The following TNFRSF10B variants were observed in gnomAD, a reference collection of about 807,000 sequenced individuals.
TNFRSF10B encodes tumor necrosis factor receptor superfamily member 10B.
TNFRSF10B carries 35 observed loss-of-function variants against 41.4 expected under a neutral mutation model. The ratio of observed to expected loss-of-function variants is 0.85; its 90% confidence interval spans 0.65 to 1.12. The LOEUF (loss-of-function observed/expected upper bound fraction) is 1.12, where lower values mean the gene tolerates loss of function less well. Among genes scored for constraint, TNFRSF10B ranks in the 50% most tolerant of loss-of-function variants. The pLI is 0.00. For synonymous variants in TNFRSF10B, 230 were observed against 215.5 expected (o/e 1.07, Z -0.59); for missense variants, 584 against 552.7 (o/e 1.06, Z -0.57).
chr8:23,044,433 A>C (rs1000569054), intron 1 of TNFRSF10B, among the ~76,000 whole-genome samples: 1 of 152,214 alleles, frequency 6.6e-6, no homozygotes, highest in African/African-American at 2.4e-5. Context: ...TAAAAGGTTA[A>C]TATCTAAAAT....
intron 1 of TNFRSF10B, among the ~76,000 whole-genome samples, chr8:23,044,964 C>T (rs1812312106): frequency 1.3e-5 from 2 of 150,636 alleles, no homozygotes; most frequent in South Asian, 4.2e-4. Context: ...GCCTATAATC[C>T]CAGCATTTTG....
At chr8:23,042,417 G>A (rs1292001310) in intron 2 of TNFRSF10B, among the ~76,000 whole-genome samples, 1 of 152,216 alleles carries the variant, frequency 6.6e-6, no homozygotes, top group Admixed American at 6.5e-5. Flanking sequence ...TGGGGGAAAA[G>A]GGGGAAGAAG....
intron 4 of TNFRSF10B, among the ~76,000 whole-genome samples, chr8:23,029,242 T>TA (rs1191849129): frequency 6.6e-6 from 1 of 152,218 alleles, no homozygotes; most frequent in Non-Finnish European, 1.5e-5. Context: ...ATAAAAATAT[T>TA]AAAAAATACA....
At chr8:23,063,918 TCA>T (rs1812908206) in intron 1 of TNFRSF10B, among the ~76,000 whole-genome samples, 1 of 152,192 alleles carries the variant, frequency 6.6e-6, no homozygotes, top group Admixed American at 6.5e-5. Flanking sequence ...TCCCCACCTC[TCA>T]CGTTTAACAC....
intron 2 of TNFRSF10B, among the ~76,000 whole-genome samples, chr8:23,040,135 C>T (rs530198665): frequency 9.9e-5 from 15 of 150,922 alleles, no homozygotes; most frequent in South Asian, 6.3e-4. Context: ...GAGCTGAGAT[C>T]GCACCACTGC....
chr8:23,045,165 A>G (rs928948246), intron 1 of TNFRSF10B, among the ~76,000 whole-genome samples: 1 of 151,828 alleles, frequency 6.6e-6, no homozygotes, highest in East Asian at 1.9e-4. Flanking sequence ...GGGAGGTGAA[A>G]GTGGCAGTAA....
intron 1 of TNFRSF10B, among the ~76,000 whole-genome samples, chr8:23,047,327 A>G (rs1431919878): frequency 6.7e-6 from 1 of 149,456 alleles, no homozygotes; most frequent in Non-Finnish European, 1.5e-5. Flanking sequence ...ATTACACTCC[A>G]GCCTAGGCAA....
At chr8:23,050,197 C>CT (rs1272993526) in intron 1 of TNFRSF10B, among the ~76,000 whole-genome samples, 3 of 152,256 alleles carry the variant, frequency 2.0e-5, no homozygotes, top group Non-Finnish European at 4.4e-5. Flanking sequence ...CATACACCCA[C>CT]TTTCCCTTTG....
chr8:23,057,484 G>A (rs1812707093), intron 1 of TNFRSF10B, among the ~76,000 whole-genome samples: 1 of 146,050 alleles, frequency 6.8e-6, no homozygotes, highest in African/African-American at 2.6e-5. Context: ...CCAGGCTAGA[G>A]TGCTGTGGCA....
intron 1 of TNFRSF10B, among the ~76,000 whole-genome samples, chr8:23,062,395 A>AT (rs1336511896): frequency 6.6e-6 from 1 of 151,640 alleles, no homozygotes; most frequent in African/African-American, 2.4e-5. Context: ...TGCTTTTTAT[A>AT]TTTTTTGTAG....
At chr8:23,025,206 C>G (rs142911365) in intron 7 of TNFRSF10B, among the ~76,000 whole-genome samples, 53 of 152,090 alleles carry the variant, frequency 3.5e-4, no homozygotes, top group African/African-American at 1.2e-3. Context: ...AATGGACTTA[C>G]AAGAAGACCC....
chr8:23,052,160 CTTG>C (rs1215728759), intron 1 of TNFRSF10B, among the ~76,000 whole-genome samples: 1 of 151,602 alleles, frequency 6.6e-6, no homozygotes, highest in East Asian at 1.9e-4. Context: ...CATAAGTAAA[CTTG>C]TCATAATTTA....
At chr8:23,041,973 A>G (rs1812214918) in intron 2 of TNFRSF10B, among the ~76,000 whole-genome samples, 1 of 152,120 alleles carries the variant, frequency 6.6e-6, no homozygotes, top group South Asian at 2.1e-4. Flanking sequence ...AGCATCACCT[A>G]TGTGCTAGGG....
intron 2 of TNFRSF10B, among the ~76,000 whole-genome samples, chr8:23,039,820 A>G (rs1812118602): frequency 6.6e-6 from 1 of 152,182 alleles, no homozygotes; most frequent in Admixed American, 6.5e-5. Context: ...TTGGATTGCA[A>G]TGAAATTCTG....
chr8:23,046,679 G>C (rs1322635672), intron 1 of TNFRSF10B, among the ~76,000 whole-genome samples: 1 of 148,538 alleles, frequency 6.7e-6, no homozygotes, highest in Non-Finnish European at 1.5e-5. Context: ...CAATGCTGGA[G>C]GCATCACACT....
intron 8 of TNFRSF10B, among the ~76,000 whole-genome samples, 195 bp from the exon 9 acceptor site, chr8:23,023,179 C>T (rs1332864958): frequency 7.1e-6 from 1 of 141,612 alleles, no homozygotes; most frequent in African/African-American, 2.5e-5. Context: ...ACACGCAAGG[C>T]ACTGCGGGGA....
chr8:23,039,305 C>T (rs554178052), intron 2 of TNFRSF10B, among the ~76,000 whole-genome samples: 2 of 151,992 alleles, frequency 1.3e-5, no homozygotes, highest in East Asian at 1.9e-4. Context: ...GGGTCAGGGG[C>T]CCCTGCTCTA....
At chr8:23,042,593 C>T (rs1812235758) in intron 2 of TNFRSF10B, among the ~76,000 whole-genome samples, 1 of 152,206 alleles carries the variant, frequency 6.6e-6, no homozygotes, top group Non-Finnish European at 1.5e-5. Flanking sequence ...CAGGAGTGGG[C>T]ACTCAAGATG....
At chr8:23,043,613 T>C (rs1007433481) in intron 1 of TNFRSF10B, among the ~76,000 whole-genome samples, 25 of 152,178 alleles carry the variant, frequency 1.6e-4, no homozygotes, top group African/African-American at 2.4e-4. Flanking sequence ...CTCTTTCTCT[T>C]ATTCTCTCTC....
Sources: allele counts gnomAD v4.1 joint callset (sites outside exome capture counted in the v4.1 genomes callset), GRCh38; gene constraint gnomAD v4.1.1; transcripts MANE v1.5; gene names NCBI Gene and HGNC (gene_info 2026-07-23, HGNC 2026-07-21).